Variants in CDKL5 observed in about 807,000 individuals in gnomAD.
CDKL5 encodes the protein cyclin-dependent kinase-like 5.
CDKL5 carries 8 observed loss-of-function variants against 61.7 expected under a neutral mutation model. That is an observed-to-expected ratio of 0.13 (90% CI 0.08 to 0.23). The LOEUF is 0.23. Among genes scored for constraint, CDKL5 ranks in the 10% least tolerant of loss-of-function variants. The pLI is 1.00. For missense variants in CDKL5, 440 were observed against 734.5 expected, an observed-to-expected ratio of 0.60 and a Z score of 4.63; for synonymous variants, 275 against 272.3, an observed-to-expected ratio of 1.01 and a Z score of -0.10.
chrX:18,597,591 A>ATTTTTT (rs58993237), intron 10 of CDKL5, among the ~76,000 whole-genome samples: 10 of 72,815 alleles, frequency 1.4e-4, no homozygotes, highest in South Asian at 7.4e-4. Context: ...CTACAGAATG[A>ATTTTTT]TTTTTTTTTT....
intron 20 of CDKL5, chrX:18,647,555 C>G: frequency 2.4e-6 from 1 of 419,187 alleles, no homozygotes; most frequent in Non-Finnish European, 4.2e-6. Context: ...AGAGACTCAA[C>G]AGCCTTTGTA....
chrX:18,477,010 C>T (rs1360166166), intron 1 of CDKL5, among the ~76,000 whole-genome samples: 19 of 111,487 alleles, frequency 1.7e-4, no homozygotes, highest in African/African-American at 5.2e-4. Flanking sequence ...CCTCGTGATC[C>T]GTCCACCCTG....
chrX:18,561,849 A>ATT (rs1924816501), intron 3 of CDKL5, among the ~76,000 whole-genome samples: 3 of 112,091 alleles, frequency 2.7e-5, no homozygotes, highest in Admixed American at 9.5e-5. Context: ...AAATAATTAA[A>ATT]ATATCAAGAT....
chrX:18,528,455 A>T (rs1226636613), intron 3 of CDKL5, among the ~76,000 whole-genome samples: 2 of 109,951 alleles, frequency 1.8e-5, no homozygotes, highest in African/African-American at 3.3e-5. Flanking sequence ...TCTTTATCCC[A>T]ATGATTTTCC....
At position 18,602,517 on chromosome X, in the gene CDKL5, C is replaced by T. The variant is rs763950869; in HGVS notation, c.978-1385C>T. ...CATTTTAGTGCTCATATTTAGGAGT[C>T]CTTTTATTTAATGCTGTAATTCTAA... On this transcript the variant is annotated intron_variant, in intron 11 of 17. Transcript: ENST00000623535. Among the ~76,000 whole-genome samples, 9 of 111,371 alleles carry T rather than the reference C, an allele frequency of 8.1e-5. No individual in the cohort carries two copies. In the South Asian group the frequency reaches 2.6e-3, roughly 33 times the overall value.
At chrX:18,466,543 T>C (rs917200386) in intron 1 of CDKL5, among the ~76,000 whole-genome samples, 7 of 111,220 alleles carry the variant, frequency 6.3e-5, no homozygotes, top group African/African-American at 2.3e-4. Flanking sequence ...TGAGACAGGG[T>C]CTTGCTTTGT....
intron 11 of CDKL5, among the ~76,000 whole-genome samples, chrX:18,599,916 C>G (rs1214503611): frequency 2.7e-5 from 3 of 111,176 alleles, no homozygotes; most frequent in African/African-American, 9.8e-5. Flanking sequence ...CCCACTGCAG[C>G]CTCTGCCTTC....
At chrX:18,577,430 G>A (rs1925335041) in intron 5 of CDKL5, among the ~76,000 whole-genome samples, 1 of 112,085 alleles carries the variant, frequency 8.9e-6, no homozygotes, top group Non-Finnish European at 1.9e-5. Flanking sequence ...GTGAGTCTCA[G>A]GAGAGCAAGG....
chrX:18,578,772 T>G (rs761638644), intron 5 of CDKL5, among the ~76,000 whole-genome samples: 1 of 112,033 alleles, frequency 8.9e-6, no homozygotes, highest in African/African-American at 3.2e-5. Context: ...TTATGTGCAG[T>G]CTGCCATTTT....
intron 15 of CDKL5, among the ~76,000 whole-genome samples, chrX:18,615,539 T>C (rs1235526826): frequency 9.0e-6 from 1 of 111,660 alleles, no homozygotes; most frequent in Non-Finnish European, 1.9e-5. Context: ...TACCTCAGCC[T>C]CCTGAGTAGC....
At chrX:18,582,513 C>G (rs1925516127) in intron 7 of CDKL5, among the ~76,000 whole-genome samples, 1 of 111,121 alleles carries the variant, frequency 9.0e-6, no homozygotes, top group Middle Eastern at 4.7e-3. Context: ...GTATTAAGCT[C>G]TATTAAACAT....
intron 20 of CDKL5, chrX:18,646,202 T>A (rs1380304158): frequency 4.5e-6 from 5 of 1,105,497 alleles, no homozygotes; most frequent in Non-Finnish European, 6.1e-6. Context: ...CCCAGGCTGG[T>A]GTGCAGTGGC....
At chrX:18,652,952 C>A (rs1413262524) in intron 21 of CDKL5, among the ~76,000 whole-genome samples, 5 of 112,457 alleles carry the variant, frequency 4.4e-5, no homozygotes, top group African/African-American at 1.6e-4. Context: ...AGTTTGTAGG[C>A]AGGCTTATAA....
intron 6 of CDKL5, 94 bp downstream of exon 6, chrX:18,580,062 G>A: frequency 1.1e-5 from 8 of 737,183 alleles, no homozygotes; most frequent in Non-Finnish European, 1.7e-5. Context: ...ATTTTCATAA[G>A]CATTGGCATT....
downstream of CDKL5, chrX:18,644,285 A>G: frequency 3.5e-6 from 2 of 575,132 alleles, no homozygotes; most frequent in Non-Finnish European, 6.1e-6. Context: ...GAAAGAGAGC[A>G]CAGCACATTG....
intron 20 of CDKL5, among the ~76,000 whole-genome samples, chrX:18,649,056 A>G (rs768005671): frequency 1.0e-4 from 11 of 109,230 alleles, no homozygotes; most frequent in South Asian, 8.0e-4. Context: ...AAAAAAAAAA[A>G]AAAGAAAACT....
Position 18,524,769 on chromosome X carries a change from A to T in CDKL5, c.99+13915A>T, listed in dbSNP as rs192529652. On this transcript the variant is annotated intron_variant, in intron 3 of 17. Coordinates refer to ENST00000623535, the MANE Select transcript of CDKL5 (RefSeq NM_001323289.2). Reference sequence around the variant, plus strand: ...TTAGGTGTATGATCCATTTTGATTTAGTTTTTGTGAGACTTGTAAGGTCTG... The same window carrying T: ...TTAGGTGTATGATCCATTTTGATTTTGTTTTTGTGAGACTTGTAAGGTCTG... 3.5e-3 allele frequency among the ~76,000 whole-genome samples: 396 copies of T among 111,804 alleles called. 2 individuals are homozygous for T. The highest frequency in any genetic ancestry group is 0.032 in the Admixed American group (335 of 10,559).
At chrX:18,608,099 T>TC (rs1322608296) in intron 12 of CDKL5, among the ~76,000 whole-genome samples, 1 of 111,608 alleles carries the variant, frequency 9.0e-6, no homozygotes, top group African/African-American at 3.3e-5. Flanking sequence ...CTGTGTTTTT[T>TC]CCCCTCGGTG....
chrX:18,504,160 C>T (rs970459751), intron 1 of CDKL5, among the ~76,000 whole-genome samples: 7 of 110,897 alleles, frequency 6.3e-5, no homozygotes, highest in African/African-American at 2.0e-4. Flanking sequence ...GGCTAGTGTC[C>T]GGTGGCGCAA....
Sources: allele counts gnomAD v4.1 joint callset (sites outside exome capture counted in the v4.1 genomes callset), GRCh38; gene constraint gnomAD v4.1.1; transcripts MANE v1.5; gene names NCBI Gene and HGNC (gene_info 2026-07-23, HGNC 2026-07-21).